The following MAP2K5 variants were observed in gnomAD, a reference collection of about 807,000 sequenced individuals.
MAP2K5 encodes dual specificity mitogen-activated protein kinase kinase 5.
A neutral mutation model predicts 83.1 loss-of-function variants in MAP2K5; 49 were observed. The ratio of observed to expected loss-of-function variants is 0.59; its 90% CI spans 0.47 to 0.75. The LOEUF (loss-of-function observed/expected upper bound fraction) is 0.75, where lower values mean the gene tolerates loss of function less well. Ranked by LOEUF, MAP2K5 falls within the 30% of genes least tolerant of loss-of-function variation. The pLI is 0.00. For synonymous variants in MAP2K5, 202 were observed against 191.8 expected, an observed-to-expected ratio of 1.05 and a Z score of -0.44; for missense variants, 457 against 557.5, an observed-to-expected ratio of 0.82 and a Z score of 1.82.
At chr15:67,653,628 CT>C (rs1263535960) in intron 11 of MAP2K5, among the ~76,000 whole-genome samples, 2 of 151,996 alleles carry the variant, frequency 1.3e-5, no homozygotes, top group East Asian at 1.9e-4. Flanking sequence ...ATGAAACCGA[CT>C]TTTGGTTTCT....
At chr15:67,803,756 C>T (rs1165044449) in intron 21 of MAP2K5, among the ~76,000 whole-genome samples, 1 of 152,226 alleles carries the variant, frequency 6.6e-6, no homozygotes, top group Non-Finnish European at 1.5e-5. Flanking sequence ...TCTAGGCTTA[C>T]AGCCTGCAGC....
chr15:67,555,539 T>A lies in MAP2K5; in HGVS notation c.184+5457T>A, dbSNP rs537693097. Among the ~76,000 whole-genome samples, 6 of 152,284 alleles carry A rather than the reference T, an allele frequency of 3.9e-5. No individual in the cohort carries two copies. The East Asian group carries it at 1.2e-3, about 29-fold the overall frequency. The stretch of plus-strand genomic sequence containing the variant: ...GAACTACTGAGACAAAGAATACCCA[T>A]ATTTAAATTTCAATATCTATTACTG... On this transcript the variant is annotated intron_variant, in intron 2 of 21. Coordinates refer to ENST00000178640, the MANE Select transcript of MAP2K5 (RefSeq NM_145160.3). The surrounding 1 kb of genome is among the most constrained non-coding windows in gnomAD (Gnocchi z 5.2).
intron 21 of MAP2K5, among the ~76,000 whole-genome samples, chr15:67,791,434 T>C (rs1338200335): frequency 6.6e-6 from 1 of 152,238 alleles, no homozygotes; most frequent in Non-Finnish European, 1.5e-5. Flanking sequence ...TCAGGCATCA[T>C]TACCATCTTA....
At chr15:67,679,139 A>C (rs1261579023) in intron 13 of MAP2K5, among the ~76,000 whole-genome samples, 1 of 152,092 alleles carries the variant, frequency 6.6e-6, no homozygotes, top group Non-Finnish European at 1.5e-5. Flanking sequence ...CTGACCCCTG[A>C]TTGTGCTGGG....
rs146339160 is a variant in MAP2K5, at chr15:67,644,506, A to T, written c.586-1725A>T. The stretch of plus-strand genomic sequence containing the variant: ...TCTTAAAAAAATATGTGTTTGAAAT[A>T]AACTAGAATTTATTCTAGATAAGTT... On this transcript the variant is annotated intron_variant, in intron 9 of 21. Transcript: ENST00000178640. The surrounding 1 kb of genome is among the most constrained non-coding windows in gnomAD (Gnocchi z 4.6). Among the ~76,000 whole-genome samples, 2 of 152,352 alleles carry T rather than the reference A, an allele frequency of 1.3e-5. No homozygotes were observed. The highest frequency in any genetic ancestry group is 4.8e-5 in the African/African-American group (2 of 41,574).
At position 67,690,197 on chromosome 15, in the gene MAP2K5, T is replaced by A. The variant is rs2088068980; in HGVS notation, c.848-2282T>A. On this transcript the variant is annotated intron_variant, in intron 13 of 21. Transcript: ENST00000178640. The surrounding 1 kb of genome is among the most constrained non-coding windows in gnomAD (Gnocchi z 4.3). ...AAAAATATTTAAAACTGAGGGCCCATGATAAGAACTAGATTTGAAAAATAA... is the reference window on the plus strand; with the variant it reads ...AAAAATATTTAAAACTGAGGGCCCAAGATAAGAACTAGATTTGAAAAATAA... Among the ~76,000 whole-genome samples the A allele has an allele frequency of 6.6e-6, 1 of 152,154 alleles. No homozygotes were observed. The highest frequency in any genetic ancestry group is 1.5e-5 in the Non-Finnish European group (1 of 68,028).
rs2084794199 is a variant in MAP2K5 at position 67,764,370 on chromosome 15, C to T, written c.1135-5232C>T. On this transcript the variant is annotated intron_variant, in intron 19 of 21. Coordinates refer to ENST00000178640, the MANE Select transcript of MAP2K5 (RefSeq NM_145160.3). This position sits in a 1 kb window ranked among gnomAD's most constrained non-coding sequence, Gnocchi z 4.9. ...GAAAGTAGGAGAGCAAAGAAGGTAT[C>T]TCACACGCTGCAGACTCTTTTACTT... Among the ~76,000 whole-genome samples, 1 of 152,182 alleles carries T rather than the reference C, an allele frequency of 6.6e-6. No individual in the cohort carries two copies. The highest frequency in any genetic ancestry group is 2.1e-4 in the South Asian group (1 of 4,828).
At chr15:67,806,130 T>C (rs1410675185) in intron 21 of MAP2K5, among the ~76,000 whole-genome samples, 1 of 152,186 alleles carries the variant, frequency 6.6e-6, no homozygotes, top group Admixed American at 6.5e-5. Flanking sequence ...TCCCCTGACA[T>C]GTTTGCCTTC....
rs916074974 is a variant in MAP2K5 at position 67,794,329 on chromosome 15, G to A, written c.1243-12317G>A. Reference sequence around the variant, plus strand: ...AAATATTGCTCAAGGCTAAGAGTGAGTTCTATTGATGATTTTTATTTGCTG... The same window carrying A: ...AAATATTGCTCAAGGCTAAGAGTGAATTCTATTGATGATTTTTATTTGCTG... On this transcript the variant is annotated intron_variant, in intron 21 of 21. Coordinates refer to ENST00000178640, the MANE Select transcript of MAP2K5 (RefSeq NM_145160.3). The surrounding 1 kb of genome is among the most constrained non-coding windows in gnomAD (Gnocchi z 4.6). Among the ~76,000 whole-genome samples the A allele has an allele frequency of 1.1e-4, 17 of 152,194 alleles. No individual in the cohort carries two copies. Among genetic ancestry groups the A allele is most frequent in the African/African-American group, 3.4e-4 (14 of 41,442 alleles).
Position 67,561,839 on chromosome 15 carries a change from A to T in MAP2K5, c.185-1444A>T, listed in dbSNP as rs2084743627. ...GGTCCCCATAGCCTAGTCACCAAGC[A>T]GGGGGATATCCTTGGAACTACAGCC... is the stretch of plus-strand genomic sequence containing the variant. On this transcript the variant is annotated intron_variant, in intron 2 of 21. Coordinates refer to ENST00000178640, the MANE Select transcript of MAP2K5 (RefSeq NM_145160.3). The surrounding 1 kb of genome is among the most constrained non-coding windows in gnomAD (Gnocchi z 4.2). Among the ~76,000 whole-genome samples the T allele has an allele frequency of 6.6e-6, 1 of 152,192 alleles. No homozygotes were observed.
At chr15:67,580,941 C>G in intron 4 of MAP2K5, 118 bp downstream of exon 4, 1 of 703,434 alleles carries the variant, frequency 1.4e-6, no homozygotes, top group Non-Finnish European at 2.5e-6. Context: ...ATTCGAAAAA[C>G]AAAAGAAGTA....
At chr15:67,678,363 A>G (rs1393207266) in intron 13 of MAP2K5, among the ~76,000 whole-genome samples, 1 of 152,122 alleles carries the variant, frequency 6.6e-6, no homozygotes, top group Non-Finnish European at 1.5e-5. Context: ...AGGGGGAAAA[A>G]GTTGAAGAGA....
At chr15:67,658,649 T>C (rs1442929172) in intron 12 of MAP2K5, 35 bp downstream of exon 12, 1 of 1,517,694 alleles carries the variant, frequency 6.6e-7, no homozygotes, top group African/African-American at 1.4e-5. Flanking sequence ...GAAATTTGAG[T>C]GATTTAATCC....
At chr15:67,560,599 A>C (rs1430599494) in intron 2 of MAP2K5, among the ~76,000 whole-genome samples, 1 of 152,148 alleles carries the variant, frequency 6.6e-6, no homozygotes, top group Non-Finnish European at 1.5e-5. Flanking sequence ...ACATTTTATC[A>C]CTGGGTTGAT....
intron 16 of MAP2K5, among the ~76,000 whole-genome samples, chr15:67,726,266 A>T (rs762050962): frequency 6.6e-5 from 10 of 152,246 alleles, no homozygotes; most frequent in Non-Finnish European, 1.5e-4. Context: ...TTACGAGGTC[A>T]TAATGTTTAT....
rs1350376793 is a variant in MAP2K5, at chr15:67,757,659, G to GT, written c.1134+9059dup. 6.6e-6 allele frequency among the ~76,000 whole-genome samples: 1 copy of GT among 152,042 alleles called. No homozygotes were observed. The highest frequency in any genetic ancestry group is 2.4e-5 in the African/African-American group (1 of 41,392). On this transcript the variant is annotated intron_variant, in intron 19 of 21. Coordinates refer to ENST00000178640, the MANE Select transcript of MAP2K5 (RefSeq NM_145160.3). The surrounding 1 kb of genome is among the most constrained non-coding windows in gnomAD (Gnocchi z 4.9). ...CTACCCTAGTCAGGGAGGCAGACAA[G>GT]TAAACAGTCATATATGCAGATCACT...
Position 67,561,504 on chromosome 15 carries a change from T to G in MAP2K5, c.185-1779T>G, listed in dbSNP as rs1353571875. On this transcript the variant is annotated intron_variant, in intron 2 of 21. Coordinates refer to ENST00000178640, the MANE Select transcript of MAP2K5 (RefSeq NM_145160.3). This position sits in a 1 kb window ranked among gnomAD's most constrained non-coding sequence, Gnocchi z 4.2. ...AGTGACCAGTGTATGCCTTTTACTC[T>G]GAAAACAGGCAACTCTTGATAGCAG... Among the ~76,000 whole-genome samples the G allele has an allele frequency of 2.0e-5, 3 of 152,344 alleles. No homozygotes were observed. Among genetic ancestry groups the G allele is most frequent in the East Asian group, 1.9e-4 (1 of 5,194 alleles).
intron 13 of MAP2K5, among the ~76,000 whole-genome samples, chr15:67,671,983 G>A (rs1301275204): frequency 2.0e-5 from 3 of 151,688 alleles, no homozygotes. Flanking sequence ...CCCTACAAAG[G>A]ACATGAACTC....
intron 12 of MAP2K5, among the ~76,000 whole-genome samples, chr15:67,661,484 G>C (rs2087237709): frequency 6.6e-6 from 1 of 152,036 alleles, no homozygotes; most frequent in Admixed American, 6.6e-5. Flanking sequence ...CCAGCCTACT[G>C]AATACCAATA....
Sources: allele counts gnomAD v4.1 joint callset (sites outside exome capture counted in the v4.1 genomes callset), GRCh38; gene constraint gnomAD v4.1.1; non-coding constraint Gnocchi (gnomAD v3.1); transcripts MANE v1.5; gene names NCBI Gene and HGNC (gene_info 2026-07-23, HGNC 2026-07-21).